Variants in SLC2A9 observed in about 807,000 individuals in gnomAD.
SLC2A9 encodes the protein solute carrier family 2, facilitated glucose transporter member 9.
In SLC2A9, 39 loss-of-function variants were observed where a neutral mutation model predicts 50.6. That is an observed-to-expected ratio of 0.77 (90% CI 0.60 to 1.01). SLC2A9 has a LOEUF of 1.01. Among genes scored for constraint, SLC2A9 ranks in the 50% least tolerant of loss-of-function variants. The pLI is 0.00. For missense variants in SLC2A9, 686 were observed against 677.6 expected, an observed-to-expected ratio of 1.01 and a Z score of -0.14; for synonymous variants, 324 against 276.9, an observed-to-expected ratio of 1.17 and a Z score of -1.69.
At chr4:9,936,062 C>G (rs1368959095) in intron 6 of SLC2A9, among the ~76,000 whole-genome samples, 7 of 152,098 alleles carry the variant, frequency 4.6e-5, no homozygotes, top group Non-Finnish European at 8.8e-5. Context: ...CTGCCTCCTG[C>G]GAGAAATTGG....
intron 5 of SLC2A9, among the ~76,000 whole-genome samples, chr4:9,964,098 G>T (rs554889389): frequency 2.0e-5 from 3 of 152,192 alleles, no homozygotes; most frequent in African/African-American, 7.2e-5. Flanking sequence ...ACTGAATATC[G>T]AGGGGGAGAC....
intron 5 of SLC2A9, among the ~76,000 whole-genome samples, chr4:9,943,894 G>A (rs555095473): frequency 4.6e-5 from 7 of 152,252 alleles, no homozygotes; most frequent in South Asian, 2.1e-4. Flanking sequence ...TCCTTCCACC[G>A]CACAGCCGCC....
At chr4:9,860,407 T>C (rs185037136) in intron 10 of SLC2A9, among the ~76,000 whole-genome samples, 1 of 152,260 alleles carries the variant, frequency 6.6e-6, no homozygotes, top group Non-Finnish European at 1.5e-5. Context: ...TGTGAGGGTG[T>C]TGAACGAAGA....
At chr4:9,787,871 G>T (rs1373060199) in intron 3 of SLC2A9, among the ~76,000 whole-genome samples, 1 of 152,190 alleles carries the variant, frequency 6.6e-6, no homozygotes, top group South Asian at 2.1e-4. Flanking sequence ...CTGTTAATTA[G>T]TCCCATTACT....
At chr4:10,033,264 C>T (rs879566458) in intron 1 of SLC2A9, among the ~76,000 whole-genome samples, 5 of 152,118 alleles carry the variant, frequency 3.3e-5, no homozygotes, top group Non-Finnish European at 5.9e-5. Flanking sequence ...GGTATGTCAC[C>T]CCCACTGTCT....
intron 5 of SLC2A9, among the ~76,000 whole-genome samples, chr4:9,970,667 A>G (rs1753755465): frequency 7.4e-6 from 1 of 134,380 alleles, no homozygotes; most frequent in African/African-American, 2.9e-5. Flanking sequence ...GTTAAGACTC[A>G]AAGACACAAA....
chr4:9,848,671 A>G (rs892936000), intron 10 of SLC2A9, among the ~76,000 whole-genome samples: 2 of 151,318 alleles, frequency 1.3e-5, no homozygotes, highest in Non-Finnish European at 1.5e-5. Context: ...TGACAGTTAA[A>G]CAGATCTTTT....
intron 3 of SLC2A9, among the ~76,000 whole-genome samples, chr4:9,816,589 T>C (rs1463467520): frequency 6.6e-6 from 1 of 152,176 alleles, no homozygotes; most frequent in African/African-American, 2.4e-5. Context: ...GATATGTTAA[T>C]TAGCTTGATT....
intron 4 of SLC2A9, among the ~76,000 whole-genome samples, chr4:9,983,924 G>T (rs1310255049): frequency 6.6e-6 from 1 of 152,082 alleles, no homozygotes; most frequent in Non-Finnish European, 1.5e-5. Flanking sequence ...CCACTTTCCT[G>T]CTCCAGCTTT....
chr4:9,905,345 G>A (rs1248087207), intron 8 of SLC2A9, among the ~76,000 whole-genome samples: 1 of 152,208 alleles, frequency 6.6e-6, no homozygotes, highest in African/African-American at 2.4e-5. Flanking sequence ...CATGGCAAAG[G>A]CCCTCTGTAA....
In SLC2A9 at chr4:9,880,719, A is replaced by T. The variant is rs1387231811; in HGVS notation, c.1291+6848T>A. Among the ~76,000 whole-genome samples the T allele has an allele frequency of 2.0e-5, 3 of 152,224 alleles. No homozygotes were observed. The East Asian group carries it at 5.8e-4, about 29-fold the overall frequency. On this transcript the variant is annotated intron_variant, in intron 10 of 11. Transcript: ENST00000264784. ...CGTTTCTTCTGGGAAAACAGCTGTT[A>T]TGGAAAAAGATAACTCGAGAAGCAT...
chr4:9,985,694 T>C lies in SLC2A9; in HGVS notation c.510A>G (p.Gly170=), dbSNP rs1756589399. The stretch of plus-strand genomic sequence containing the variant: ...CTCCATCTATGCCCATGATGAAGCG[T>C]CCCACGATGAGCATTTCAAAGGCTC... The part of the protein sequence containing the change: ...QAGAFEMLIV[G]RFIMGIDGGV... The change falls in exon 4 of 12, where the codon GGA becomes GGG. Residue 170 remains glycine, a synonymous_variant. Coordinates refer to ENST00000264784, the MANE Select transcript of SLC2A9 (RefSeq NM_020041.3). The C allele has an allele frequency of 6.2e-7, 1 of 1,613,966 alleles. No individual in the cohort carries two copies. Among genetic ancestry groups the C allele is most frequent in the Non-Finnish European group, 8.5e-7 (1 of 1,179,856 alleles).
At chr4:9,795,193 A>G (rs561656648), downstream of SLC2A9, among the ~76,000 whole-genome samples, 2 of 151,714 alleles carry the variant, frequency 1.3e-5, no homozygotes, top group African/African-American at 4.8e-5. Flanking sequence ...TTGTATTTTT[A>G]GTATAGACAG....
In SLC2A9 at chr4:9,912,932, C is replaced by T. The variant is rs144752705; in HGVS notation, c.1003-4587G>A. 9.8e-3 allele frequency among the ~76,000 whole-genome samples: 1,486 copies of T among 152,212 alleles called. 18 individuals are homozygous for T. Among genetic ancestry groups the T allele is most frequent in the Admixed American group, 0.02 (302 of 15,290 alleles). On this transcript the variant is annotated intron_variant, in intron 7 of 11. Coordinates refer to ENST00000264784, the MANE Select transcript of SLC2A9 (RefSeq NM_020041.3). Reference sequence around the variant, plus strand: ...AGGAGGATCAGATTCAGAGAGAAGACGTAAGGATGGAAGCAGAGGTCAGAG... The same window carrying T: ...AGGAGGATCAGATTCAGAGAGAAGATGTAAGGATGGAAGCAGAGGTCAGAG...
intron 7 of SLC2A9, among the ~76,000 whole-genome samples, chr4:9,918,972 T>C (rs567307616): frequency 2.0e-5 from 3 of 152,206 alleles, no homozygotes; most frequent in Admixed American, 6.5e-5. Flanking sequence ...AGGTACACCA[T>C]AGAGGAATTT....
chr4:10,038,731 G>A (rs1048616491), intron 1 of SLC2A9, among the ~76,000 whole-genome samples: 9 of 152,118 alleles, frequency 5.9e-5, no homozygotes, highest in African/African-American at 2.2e-4. Flanking sequence ...ATGACATGGA[G>A]CATGTCTGCT....
At chr4:10,013,535 G>T (rs61312541) in intron 2 of SLC2A9, among the ~76,000 whole-genome samples, 3,350 of 152,312 alleles carry the variant, frequency 0.022, 68 homozygotes, top group African/African-American at 0.059. Flanking sequence ...TTAAAAGGGG[G>T]TTAGTGATAG....
chr4:9,828,838 G>T (rs542260260), intron 11 of SLC2A9, among the ~76,000 whole-genome samples: 1 of 152,288 alleles, frequency 6.6e-6, no homozygotes, highest in Non-Finnish European at 1.5e-5. Context: ...TCCCTACCAA[G>T]AGGTAACTAT....
Position 9,786,973 on chromosome 4 carries a change from C to A in SLC2A9, n.386-6908G>T, listed in dbSNP as rs550119681. On this transcript the variant is annotated intron_variant and non_coding_transcript_variant, in intron 3 of 3. Coordinates refer to the SLC2A9 transcript ENST00000503803. ...CAGCACTCGAGAGGACTTGGCCAGG[C>A]AGGCAGACTCCAGGTCCCAGCTCCC... 1.5e-4 allele frequency among the ~76,000 whole-genome samples: 23 copies of A among 152,284 alleles called. No individual in the cohort carries two copies. The South Asian group carries it at 3.7e-3, about 25-fold the overall frequency.
Sources: allele counts gnomAD v4.1 joint callset (sites outside exome capture counted in the v4.1 genomes callset), GRCh38; gene constraint gnomAD v4.1.1; transcripts MANE v1.5; gene names NCBI Gene and HGNC (gene_info 2026-07-23, HGNC 2026-07-21).